The following LONP1 variants were observed in gnomAD, a reference collection of about 807,000 sequenced individuals.
LONP1 encodes the protein lon peptidase 1, mitochondrial, also known as lon protease homolog, mitochondrial.
In LONP1, 31 loss-of-function variants were observed where a neutral mutation model predicts 98.5. That is an observed-to-expected ratio of 0.31 (90% CI 0.24 to 0.42). The LOEUF is 0.42. Ranked by LOEUF, LONP1 falls within the 20% of genes least tolerant of loss-of-function variation. The pLI, the probability that LONP1 is intolerant of heterozygous loss-of-function variation, is 1.00. For missense variants in LONP1, 1,336 were observed against 1,350.6 expected (o/e 0.99, Z 0.17); for synonymous variants, 781 against 594.7 (o/e 1.31, Z -4.56).
Position 5,711,932 on chromosome 19 carries a change from T to C in LONP1, c.709A>G (p.Arg237Gly). 2 of 1,613,334 alleles carry C rather than the reference T, an allele frequency of 1.2e-6. No individual in the cohort carries two copies. Among genetic ancestry groups the C allele is most frequent in the Non-Finnish European group, 8.5e-7 (1 of 1,179,790 alleles). Residue 237 changes from arginine to glycine, a missense_variant, in exon 4 of 18, where the codon AGG (arginine) becomes GGG (glycine). This residue lies in a region of LONP1 where 457 missense variants were observed against 403.1 expected (regional missense o/e 1.13). Transcript: ENST00000360614. ...TCCTTCTTGCCCCGCTTTGACTTCC[T>C]GCGGGGCTTGTGCTTGTTCTCCGCC... ...PEAENKHKPR[R>G]KSKRGKKEAE...
At chr19:5,718,351 G>A (rs991943934) in intron 1 of LONP1, among the ~76,000 whole-genome samples, 6 of 151,936 alleles carry the variant, frequency 3.9e-5, no homozygotes, top group African/African-American at 1.5e-4. Context: ...GGTGGCGGGC[G>A]CCTGTAATCC....
chr19:5,716,434 G>A (rs186030501), intron 1 of LONP1, among the ~76,000 whole-genome samples: 1 of 150,948 alleles, frequency 6.6e-6, no homozygotes, highest in African/African-American at 2.4e-5. Context: ...AAACAAAAGA[G>A]CATCACATGA....
At chr19:5,713,342 G>C (rs1229261631) in intron 2 of LONP1, 89 bp from the exon 3 acceptor site, 156 of 1,289,014 alleles carry the variant, frequency 1.2e-4, no homozygotes, top group East Asian at 2.0e-4. Flanking sequence ...GGAGAGAAAA[G>C]AAACGCCCCT....
rs189120570 is a variant in LONP1, at chr19:5,693,220, T to C, written c.2703+78A>G. 107 of 1,509,962 alleles carry C rather than the reference T, an allele frequency of 7.1e-5. 2 individuals are homozygous for C. The African/African-American group carries it at 1.2e-3, about 17-fold the overall frequency. 93.5% of individuals were successfully genotyped at this position (1,509,962 alleles called of 1,614,324 possible). A position where few individuals can be genotyped will look rare whatever the true frequency, so the allele number is the denominator to read the frequency against. On this transcript the variant is annotated intron_variant, in intron 17 of 17. Coordinates refer to ENST00000360614, the MANE Select transcript of LONP1 (RefSeq NM_004793.4). ...TCCCTCTCCTTGGCCCAGGCAGAGG[T>C]TGCATGGCGGGGACTGGGCCTGTCC...
chr19:5,717,487 C>T (rs1199112997), intron 1 of LONP1: 1 of 152,232 alleles, frequency 6.6e-6, no homozygotes, highest in Non-Finnish European at 1.5e-5. Flanking sequence ...TCCTGGCTAG[C>T]TCCACGTGGG....
Position 5,716,253 on chromosome 19 carries a change from A to AAT in LONP1, c.430-1984_430-1983dup, listed in dbSNP as rs1200539692. Reference sequence around the variant, plus strand: ...ATTCTTTATTATATAATAAAGTTAAAATATACATATATATATATATATATA... The same window carrying AAT: ...ATTCTTTATTATATAATAAAGTTAAAATATATACATATATATATATATATATA... On this transcript the variant is annotated intron_variant, in intron 1 of 17. Transcript: ENST00000360614. Among the ~76,000 whole-genome samples, 611 of 71,636 alleles carry AAT rather than the reference A, an allele frequency of 8.5e-3. 17 individuals carry two copies. The highest frequency in any genetic ancestry group is 0.012 in the Non-Finnish European group (467 of 37,850). 47.0% of individuals were successfully genotyped at this position (71,636 alleles called of 152,430 possible). A position where few individuals can be genotyped will look rare whatever the true frequency, so the allele number is the denominator to read the frequency against.
chr19:5,715,967 G>A (rs2145632945), intron 1 of LONP1, among the ~76,000 whole-genome samples: 1 of 151,932 alleles, frequency 6.6e-6, no homozygotes, highest in East Asian at 1.9e-4. Flanking sequence ...CATTCTCAAC[G>A]GCAGGTTCAG....
intron 2 of LONP1, 109 bp from the exon 3 acceptor site, chr19:5,713,362 T>G: frequency 7.2e-7 from 1 of 1,393,966 alleles, no homozygotes; most frequent in Non-Finnish European, 1.0e-6. Flanking sequence ...TACCAAATGC[T>G]ACTGAAAACC....
At chr19:5,698,760 C>G (rs1252708680) in intron 10 of LONP1, among the ~76,000 whole-genome samples, 1 of 152,162 alleles carries the variant, frequency 6.6e-6, no homozygotes, top group Non-Finnish European at 1.5e-5. Context: ...CTGGAACTAC[C>G]GGGGGTGTCT....
intron 1 of LONP1, among the ~76,000 whole-genome samples, chr19:5,716,291 T>TATATATATATATATATAC (rs2055321396): frequency 9.5e-6 from 1 of 105,754 alleles, no homozygotes; most frequent in Non-Finnish European, 2.0e-5. Context: ...TATATATATA[T>TATATATATATATATATAC]ATATATATAG....
At chr19:5,699,923 A>T (rs979280170) in intron 9 of LONP1, among the ~76,000 whole-genome samples, 1 of 151,850 alleles carries the variant, frequency 6.6e-6, no homozygotes, top group Non-Finnish European at 1.5e-5. Context: ...CTCAGGAGTG[A>T]TATTTTAAAA....
At chr19:5,717,097 G>A (rs901517037) in intron 1 of LONP1, among the ~76,000 whole-genome samples, 4 of 152,114 alleles carry the variant, frequency 2.6e-5, no homozygotes, top group African/African-American at 9.7e-5. Flanking sequence ...CCCAGCCCAC[G>A]AAGTTAGTTT....
At chr19:5,720,207 G>C, upstream of LONP1, 2 of 1,383,872 alleles carry the variant, frequency 1.4e-6, no homozygotes, top group Non-Finnish European at 1.9e-6. Flanking sequence ...CGCCCGGCGC[G>C]TGCCTCGGTA....
intron 13 of LONP1, 52 bp downstream of exon 13, chr19:5,696,002 G>T (rs757644833): frequency 2.2e-5 from 33 of 1,527,866 alleles, no homozygotes; most frequent in Admixed American, 1.1e-4. Flanking sequence ...AGGCTCTGGG[G>T]GGCGCCCCCT....
intron 10 of LONP1, among the ~76,000 whole-genome samples, chr19:5,698,535 G>C (rs139337236): frequency 3.3e-5 from 5 of 152,214 alleles, no homozygotes; most frequent in Middle Eastern, 3.2e-3. Context: ...TGGCCGGGAC[G>C]AGTGAGCCCA....
At position 5,701,406 on chromosome 19, in the gene LONP1, A is replaced by G. The variant is rs557709419; in HGVS notation, c.1368-479T>C. 2.5e-4 allele frequency among the ~76,000 whole-genome samples: 38 copies of G among 152,178 alleles called. No homozygotes were observed. The South Asian group carries it at 4.4e-3, about 17-fold the overall frequency. On this transcript the variant is annotated intron_variant, in intron 8 of 17. Coordinates refer to ENST00000360614, the MANE Select transcript of LONP1 (RefSeq NM_004793.4). ...AGCCGAGGCTGGACTGTGTGCTGCC[A>G]TCTTGGCTCACTGCAACCTCCCTGC...
rs753737285 is a variant in LONP1, at chr19:5,699,225, C to T, written c.1507-20G>A. ...GAACTCCTGCAGACAGAGGCAGGTT[C>T]AGTGGGCACGTGAGCTGGGGAAGCC... is the stretch of plus-strand genomic sequence containing the variant. On this transcript the variant is annotated intron_variant, in intron 9 of 17. Transcript: ENST00000360614. 1 of 1,478,890 alleles carries T rather than the reference C, an allele frequency of 6.8e-7. No homozygotes were observed. Among genetic ancestry groups the T allele is most frequent in the Admixed American group, 2.3e-5 (1 of 43,424 alleles). 91.6% of individuals were successfully genotyped at this position (1,478,890 alleles called of 1,614,324 possible).
At chr19:5,696,480 C>T in intron 11 of LONP1, 109 bp from the exon 12 acceptor site, 5 of 1,458,588 alleles carry the variant, frequency 3.4e-6, no homozygotes, top group East Asian at 2.3e-5. Flanking sequence ...GAGCGGCACC[C>T]ACACCCTGCC....
chr19:5,716,700 A>G (rs2055330072), intron 1 of LONP1, among the ~76,000 whole-genome samples: 1 of 152,164 alleles, frequency 6.6e-6, no homozygotes, highest in African/African-American at 2.4e-5. Flanking sequence ...ATTTGGACAA[A>G]AAGTTTTCTT....
Sources: gnomAD v4.1 joint callset for allele counts (sites outside exome capture counted in the v4.1 genomes callset) on GRCh38, gnomAD v4.1.1 for gene constraint, gnomAD v4.1.1 regional missense constraint, MANE v1.5 for transcripts, NCBI Gene and HGNC (gene_info 2026-07-23, HGNC 2026-07-21) for gene names.